The following TRIO variants were observed in gnomAD, a reference collection of about 807,000 sequenced individuals.
TRIO encodes triple functional domain protein.
Under a neutral mutation model 351.9 loss-of-function variants are expected in TRIO, and 58 were observed. The ratio of observed to expected loss-of-function variants is 0.16; its 90% CI spans 0.13 to 0.21. TRIO has a LOEUF of 0.21. Ranked by LOEUF, TRIO falls within the 10% of genes least tolerant of loss-of-function variation. The pLI, the probability that TRIO is intolerant of heterozygous loss-of-function variation, is 1.00. For missense variants in TRIO, 3,201 were observed against 4,027.8 expected, an observed-to-expected ratio of 0.79 and a Z score of 5.56; for synonymous variants, 1,758 against 1,595.7, an observed-to-expected ratio of 1.10 and a Z score of -2.42.
At chr5:14,159,317 C>T (rs1435857735) in intron 1 of TRIO, among the ~76,000 whole-genome samples, 1 of 88,804 alleles carries the variant, frequency 1.1e-5, no homozygotes, top group Non-Finnish European at 2.1e-5. Context: ...CAGGAAATCG[C>T]AGTCAAAAAA....
chr5:14,223,912 G>T (rs929691963), intron 1 of TRIO, among the ~76,000 whole-genome samples: 2 of 152,076 alleles, frequency 1.3e-5, no homozygotes, highest in African/African-American at 4.8e-5. Context: ...CCAAAGTCTT[G>T]ACTTGGATTC....
At chr5:14,378,819 C>T (rs932887024) in intron 20 of TRIO, among the ~76,000 whole-genome samples, 3 of 152,138 alleles carry the variant, frequency 2.0e-5, no homozygotes, top group African/African-American at 7.2e-5. Flanking sequence ...CTTGACCTCC[C>T]AAAGTGCTGG....
At chr5:14,303,374 C>G (rs1191708963) in intron 7 of TRIO, among the ~76,000 whole-genome samples, 1 of 130,992 alleles carries the variant, frequency 7.6e-6, no homozygotes, top group African/African-American at 3.0e-5. Context: ...GGAGATTGAG[C>G]CGGGATTGGG....
intron 1 of TRIO, among the ~76,000 whole-genome samples, chr5:14,161,024 C>T (rs138861700): frequency 5.0e-4 from 76 of 152,234 alleles, no homozygotes; most frequent in African/African-American, 1.8e-3. Flanking sequence ...GATTCTCCTG[C>T]CTTAGTCTCC....
chr5:14,159,057 A>G (rs1320673277), intron 1 of TRIO, among the ~76,000 whole-genome samples: 1 of 152,154 alleles, frequency 6.6e-6, no homozygotes, highest in Non-Finnish European at 1.5e-5. Context: ...CAAGGTTACC[A>G]CGCGCACAGT....
At position 14,389,334 on chromosome 5, in the gene TRIO, G is replaced by T; in HGVS notation, c.3994G>T (p.Gly1332Cys). 6.2e-7 allele frequency: 1 copy of T among 1,612,662 alleles called. No homozygotes were observed. Among genetic ancestry groups the T allele is most frequent in the Non-Finnish European group, 8.5e-7 (1 of 1,179,486 alleles). Residue 1332 changes from glycine to cysteine, a missense_variant, in exon 25 of 57, where the codon GGC (glycine) becomes TGC (cysteine). Around this residue, in one of 19 missense-constraint regions of TRIO, gnomAD observed 115 missense variants for 239.6 expected, o/e 0.48. Transcript: ENST00000344204. ...CAGTGGCGTGGAAGAGATTCCACCT[G>T]GCATTGTAAACAAAGAACTCATCAT... ...MTSGVEEIPPGIVNKELIIFG... is the reference protein window; with the variant it reads ...MTSGVEEIPPCIVNKELIIFG...
chr5:14,392,812 C>G (rs774656261), intron 27 of TRIO, among the ~76,000 whole-genome samples: 6 of 152,124 alleles, frequency 3.9e-5, no homozygotes, highest in Admixed American at 1.3e-4. Flanking sequence ...TTTGGGAGGC[C>G]AAGGCAGGTG....
intron 1 of TRIO, among the ~76,000 whole-genome samples, chr5:14,270,471 C>A (rs1795916089): frequency 6.6e-6 from 1 of 152,092 alleles, no homozygotes; most frequent in Non-Finnish European, 1.5e-5. Context: ...TTTCTTTGTA[C>A]CAGCAAAGAT....
rs965051647 is a variant in TRIO, at chr5:14,357,111, T to G, written c.2047-1067T>G. Among the ~76,000 whole-genome samples, 5 of 152,242 alleles carry G rather than the reference T, an allele frequency of 3.3e-5. 1 individual carries two copies. Among genetic ancestry groups the G allele is most frequent in the Admixed American group, 3.3e-4 (5 of 15,286 alleles). On this transcript the variant is annotated intron_variant, in intron 11 of 56. Coordinates refer to ENST00000344204, the MANE Select transcript of TRIO (RefSeq NM_007118.4). Reference sequence around the variant, plus strand: ...CAGTTAGTCCTCAGTAAAGCCGTTTTGTAAAAAGCTTGGCTTGGAAACAGA... The same window carrying G: ...CAGTTAGTCCTCAGTAAAGCCGTTTGGTAAAAAGCTTGGCTTGGAAACAGA...
chr5:14,387,323 C>G, intron 21 of TRIO, 115 bp from the exon 22 acceptor site: 1 of 1,062,124 alleles, frequency 9.4e-7, no homozygotes, highest in Non-Finnish European at 1.4e-6. Context: ...CAGTTTCTAC[C>G]ATCAGCCGGT....
chr5:14,323,923 T>C (rs964575880), intron 9 of TRIO, among the ~76,000 whole-genome samples: 4 of 152,148 alleles, frequency 2.6e-5, no homozygotes, highest in African/African-American at 9.6e-5. Flanking sequence ...ATTAACATTA[T>C]CTACGTGAAA....
intron 29 of TRIO, among the ~76,000 whole-genome samples, chr5:14,398,357 G>T (rs957071710): frequency 2.0e-5 from 3 of 152,190 alleles, no homozygotes; most frequent in African/African-American, 7.2e-5. Flanking sequence ...CACCAAGCAT[G>T]GGCAGCCAGG....
intron 4 of TRIO, 83 bp from the exon 5 acceptor site, chr5:14,290,633 G>A (rs1436081048): frequency 1.4e-6 from 2 of 1,393,664 alleles, no homozygotes; most frequent in East Asian, 2.3e-5. Context: ...TTGAAAACCT[G>A]TGACTGAGCA....
chr5:14,358,232 G>C lies in TRIO; in HGVS notation c.2101G>C (p.Glu701Gln), dbSNP rs779481625. The change falls in exon 12 of 57, where the codon GAG becomes CAG. Residue 701 changes from glutamate to glutamine, a missense_variant. This residue lies in a region of TRIO where 363 missense variants were observed against 553.5 expected (regional missense o/e 0.66). Transcript: ENST00000344204. ...QKELLDDVYAESVEAVQDLIK... is the reference protein window; with the variant it reads ...QKELLDDVYAQSVEAVQDLIK... The stretch of plus-strand genomic sequence containing the variant: ...GGAGCTGCTGGACGACGTGTATGCC[G>C]AGTCGGTGGAGGCCGTGCAGGACCT... 6.2e-7 allele frequency: 1 copy of C among 1,614,130 alleles called. No homozygotes were observed. Among genetic ancestry groups the C allele is most frequent in the Non-Finnish European group, 8.5e-7 (1 of 1,179,982 alleles).
intron 1 of TRIO, among the ~76,000 whole-genome samples, chr5:14,241,541 T>G (rs911728709): frequency 2.0e-5 from 3 of 152,236 alleles, no homozygotes; most frequent in African/African-American, 7.2e-5. Flanking sequence ...AAAAATGTTC[T>G]TAAAACCCTT....
intron 34 of TRIO, among the ~76,000 whole-genome samples, chr5:14,460,072 C>T (rs1753658082): frequency 6.6e-6 from 1 of 152,090 alleles, no homozygotes; most frequent in Non-Finnish European, 1.5e-5. Context: ...CCCACCACCA[C>T]ACCCGGCTAA....
At chr5:14,144,569 T>C (rs1357683097) in intron 1 of TRIO, among the ~76,000 whole-genome samples, 2 of 151,746 alleles carry the variant, frequency 1.3e-5, no homozygotes, top group South Asian at 2.1e-4. Context: ...GAGGGTCAGC[T>C]GGGAACGTGG....
Position 14,488,267 on chromosome 5 carries a change from G to A in TRIO, c.7632+7G>A. 6.5e-7 allele frequency: 1 copy of A among 1,550,222 alleles called. No individual in the cohort carries two copies. Among genetic ancestry groups the A allele is most frequent in the Non-Finnish European group, 8.7e-7 (1 of 1,153,782 alleles). Reference sequence around the variant, plus strand: ...GTCCACCCAGAGCAACGGGGTAAGCGCGTCGGGGGGCCCGCGCCCTCCCGC... The same window carrying A: ...GTCCACCCAGAGCAACGGGGTAAGCACGTCGGGGGGCCCGCGCCCTCCCGC... On this transcript the variant is annotated splice_region_variant and intron_variant, in intron 48 of 56. Transcript: ENST00000344204.
intron 34 of TRIO, among the ~76,000 whole-genome samples, chr5:14,456,753 C>T (rs1275961426): frequency 6.6e-6 from 1 of 152,132 alleles, no homozygotes; most frequent in African/African-American, 2.4e-5. Flanking sequence ...CTCTGGAGAC[C>T]TTAATTCTAC....
Sources: allele counts gnomAD v4.1 joint callset (sites outside exome capture counted in the v4.1 genomes callset), GRCh38; gene constraint gnomAD v4.1.1; regional missense constraint gnomAD v4.1.1; transcripts MANE v1.5; gene names NCBI Gene and HGNC (gene_info 2026-07-23, HGNC 2026-07-21).